Variants in GLRA3 observed in about 807,000 individuals in gnomAD.
The protein encoded by GLRA3 is glycine receptor subunit alpha-3.
In GLRA3, 44 loss-of-function variants were observed where a neutral mutation model predicts 60.4. The ratio of observed to expected loss-of-function variants is 0.73; its 90% CI spans 0.57 to 0.94. The LOEUF (loss-of-function observed/expected upper bound fraction) is 0.94, where lower values mean the gene tolerates loss of function less well. GLRA3 is among the 40% of genes least tolerant of loss of function. The pLI is 0.00. For synonymous variants in GLRA3, 223 were observed against 192.9 expected, an observed-to-expected ratio of 1.16 and a Z score of -1.29; for missense variants, 508 against 564.6, an observed-to-expected ratio of 0.90 and a Z score of 1.02.
chr4:174,716,750 A>G (rs904547748), intron 4 of GLRA3, among the ~76,000 whole-genome samples: 2 of 152,170 alleles, frequency 1.3e-5, no homozygotes, highest in Non-Finnish European at 2.9e-5. Context: ...GTTAACACAC[A>G]TAAGTGCTTA....
At chr4:174,817,436 C>T (rs993620146) in intron 1 of GLRA3, among the ~76,000 whole-genome samples, 6 of 152,002 alleles carry the variant, frequency 3.9e-5, no homozygotes, top group African/African-American at 1.5e-4. Context: ...TTTCTTAAAC[C>T]AATGCTATTG....
chr4:174,755,986 T>A (rs1331025520), intron 3 of GLRA3, among the ~76,000 whole-genome samples: 1 of 152,092 alleles, frequency 6.6e-6, no homozygotes, highest in Non-Finnish European at 1.5e-5. Flanking sequence ...AGATAAGATG[T>A]GGTAAGTGTA....
chr4:174,686,602 T>C (rs1346295421), intron 5 of GLRA3, among the ~76,000 whole-genome samples: 1 of 152,216 alleles, frequency 6.6e-6, no homozygotes, highest in East Asian at 1.9e-4. Context: ...TGAGATATTA[T>C]TGCCGAGTAA....
intron 5 of GLRA3, among the ~76,000 whole-genome samples, chr4:174,693,844 A>G (rs1734952138): frequency 6.6e-6 from 1 of 152,204 alleles, no homozygotes; most frequent in Admixed American, 6.5e-5. Flanking sequence ...CAAGAGACCA[A>G]TCTCACAGGT....
intron 1 of GLRA3, among the ~76,000 whole-genome samples, chr4:174,812,970 C>T (rs552075468): frequency 2.0e-5 from 3 of 152,234 alleles, no homozygotes; most frequent in African/African-American, 7.2e-5. Context: ...AATAAGAGCA[C>T]ACGCGTTCCT....
At chr4:174,651,730 A>G (rs1733026615) in intron 9 of GLRA3, among the ~76,000 whole-genome samples, 1 of 152,142 alleles carries the variant, frequency 6.6e-6, no homozygotes. Context: ...TCACTGTCTT[A>G]TTATTACAAT....
At chr4:174,690,219 ACTT>A (rs1391621026) in intron 5 of GLRA3, among the ~76,000 whole-genome samples, 3 of 152,272 alleles carry the variant, frequency 2.0e-5, no homozygotes, top group African/African-American at 7.2e-5. Flanking sequence ...AGAAGGGCCT[ACTT>A]CTTTATTATT....
At chr4:174,664,230 C>T (rs564307876) in intron 7 of GLRA3, among the ~76,000 whole-genome samples, 2 of 152,256 alleles carry the variant, frequency 1.3e-5, no homozygotes, top group African/African-American at 2.4e-5. Flanking sequence ...ACTAATCCAT[C>T]GTATCTATCC....
At position 174,828,755 on chromosome 4, in the gene GLRA3, T is replaced by G. The variant is rs749766998; in HGVS notation, c.57A>C (p.Ala19=). Residue 19 remains alanine (A), a synonymous_variant, in exon 1 of 10, where the codon GCA becomes GCC. Coordinates refer to ENST00000274093, the MANE Select transcript of GLRA3 (RefSeq NM_006529.4). ...TLVSGFYFWE[A]ALLLSLVATK... is the part of the protein sequence containing the mutation. ...AGCGAACTCACCTGAGTAACAGTGC[T>G]GCTTCCCAGAAGTAAAATCCCGAAA... 2 of 1,609,558 alleles carry G rather than the reference T, an allele frequency of 1.2e-6. No homozygotes were observed. The highest frequency in any genetic ancestry group is 1.7e-6 in the Non-Finnish European group (2 of 1,175,940).
rs566154312 is a variant in GLRA3 at position 174,823,107 on chromosome 4, G to T, written c.71+5634C>A. ...ATACACTGTTTGTTGCTAAACAGTTGGTTCTGTCTTTGAATTTCTGCCTGC... is the reference window on the plus strand; with the variant it reads ...ATACACTGTTTGTTGCTAAACAGTTTGTTCTGTCTTTGAATTTCTGCCTGC... On this transcript the variant is annotated intron_variant, in intron 1 of 9. Transcript: ENST00000274093. Among the ~76,000 whole-genome samples, 42 of 152,130 alleles carry T rather than the reference G, an allele frequency of 2.8e-4. No homozygotes were observed. The Middle Eastern group carries it at 0.01, about 37-fold the overall frequency.
At chr4:174,794,493 A>G (rs1739481896) in intron 1 of GLRA3, among the ~76,000 whole-genome samples, 1 of 152,146 alleles carries the variant, frequency 6.6e-6, no homozygotes. Flanking sequence ...ACACACACAC[A>G]TACACACCAC....
At chr4:174,730,547 AC>A (rs1300044557) in intron 3 of GLRA3, among the ~76,000 whole-genome samples, 1 of 152,190 alleles carries the variant, frequency 6.6e-6, no homozygotes, top group African/African-American at 2.4e-5. Flanking sequence ...TGTTCACCAC[AC>A]TTAGGCTAAA....
At chr4:174,709,738 G>A (rs547050011) in intron 5 of GLRA3, among the ~76,000 whole-genome samples, 2 of 152,066 alleles carry the variant, frequency 1.3e-5, no homozygotes, top group South Asian at 2.1e-4. Flanking sequence ...GGAAACATCC[G>A]AACTTGGAAC....
intron 9 of GLRA3, among the ~76,000 whole-genome samples, chr4:174,653,171 T>C (rs957521609): frequency 1.3e-5 from 2 of 152,066 alleles, no homozygotes; most frequent in Non-Finnish European, 2.9e-5. Flanking sequence ...TCTATTTATA[T>C]GGTTTCAAAA....
chr4:174,752,564 G>A (rs574666421), intron 3 of GLRA3, among the ~76,000 whole-genome samples: 1 of 152,006 alleles, frequency 6.6e-6, no homozygotes, highest in South Asian at 2.1e-4. Flanking sequence ...GGAAAAGGTA[G>A]AGAGTAATTC....
intron 2 of GLRA3, among the ~76,000 whole-genome samples, chr4:174,782,683 A>C (rs1385816350): frequency 6.6e-6 from 1 of 152,166 alleles, no homozygotes; most frequent in Non-Finnish European, 1.5e-5. Context: ...AACAGACAAA[A>C]AGAGAGCCAA....
chr4:174,795,496 G>C lies in GLRA3; in HGVS notation c.72-6553C>G, dbSNP rs113927846. ...GAGAGCTATACATGAAATATACATT[G>C]GTCTGGGATGGAGGAGGAATATGTA... On this transcript the variant is annotated intron_variant, in intron 1 of 9. Coordinates refer to ENST00000274093, the MANE Select transcript of GLRA3 (RefSeq NM_006529.4). Among the ~76,000 whole-genome samples, 1,234 of 152,116 alleles carry C rather than the reference G, an allele frequency of 8.1e-3. 17 individuals carry two copies. Among genetic ancestry groups the C allele is most frequent in the African/African-American group, 0.028 (1,161 of 41,506 alleles).
chr4:174,692,063 G>A (rs958846335), intron 5 of GLRA3, among the ~76,000 whole-genome samples: 12 of 145,132 alleles, frequency 8.3e-5, no homozygotes, highest in African/African-American at 2.8e-4. Context: ...GGGAGGTGAG[G>A]AGCGTCTCTG....
intron 6 of GLRA3, among the ~76,000 whole-genome samples, chr4:174,681,722 G>T (rs752653648): frequency 1.1e-4 from 16 of 152,080 alleles, no homozygotes; most frequent in Non-Finnish European, 7.4e-5. Flanking sequence ...TTAAGACACC[G>T]TTTGTGATAG....
Sources: gnomAD v4.1 joint callset for allele counts (sites outside exome capture counted in the v4.1 genomes callset) on GRCh38, gnomAD v4.1.1 for gene constraint, MANE v1.5 for transcripts, NCBI Gene and HGNC (gene_info 2026-07-23, HGNC 2026-07-21) for gene names.